KATNIP: variants seen among roughly 807,000 people sequenced by gnomAD.
The protein encoded by KATNIP is katanin-interacting protein.
In KATNIP, 126 loss-of-function variants were observed where a neutral mutation model predicts 174.0. The observed-to-expected ratio is 0.72, with a 90% confidence interval of 0.63 to 0.84. The LOEUF is 0.84. Ranked by LOEUF, KATNIP falls within the 40% of genes least tolerant of loss-of-function variation. The pLI is 0.00. For synonymous variants in KATNIP, 810 were observed against 835.7 expected (o/e 0.97, Z 0.53); for missense variants, 1,958 against 2,109.7 (o/e 0.93, Z 1.41).
At chr16:27,634,728 T>C (rs2076585307) in intron 5 of KATNIP, among the ~76,000 whole-genome samples, 1 of 152,228 alleles carries the variant, frequency 6.6e-6, no homozygotes, top group Non-Finnish European at 1.5e-5. Flanking sequence ...CTGCTTTCCC[T>C]GGCTCGTGTG....
chr16:27,708,614 C>G (rs1280351146), intron 12 of KATNIP, 91 bp from the exon 13 acceptor site: 5 of 965,662 alleles, frequency 5.2e-6, no homozygotes, highest in Non-Finnish European at 7.9e-6. Context: ...TGAAGGTTAA[C>G]TAACTTTTTG....
chr16:27,640,353 G>T (rs927258778), intron 5 of KATNIP, among the ~76,000 whole-genome samples: 8 of 152,220 alleles, frequency 5.3e-5, no homozygotes, highest in African/African-American at 1.7e-4. Context: ...CCCTTGCAAG[G>T]GCGTGGAGGT....
Position 27,776,567 on chromosome 16 carries a change from G to A in KATNIP, c.4450-361G>A, listed in dbSNP as rs1194280935. Among the ~76,000 whole-genome samples the A allele has an allele frequency of 1.3e-5, 2 of 152,168 alleles. No individual in the cohort carries two copies. Among genetic ancestry groups the A allele is most frequent in the African/African-American group, 4.8e-5 (2 of 41,446 alleles). On this transcript the variant is annotated intron_variant, in intron 24 of 27. Coordinates refer to ENST00000261588, the MANE Select transcript of KATNIP (RefSeq NM_015202.5). This position sits in a 1 kb window ranked among gnomAD's most constrained non-coding sequence, Gnocchi z 4.7. ...CCATGGCTGGTGCTCAACCCGAGTT[G>A]GGGACTGTCCCTTTAGCTCATGGGG...
chr16:27,731,526 G>A (rs1216616034), intron 14 of KATNIP, among the ~76,000 whole-genome samples: 2 of 152,334 alleles, frequency 1.3e-5, no homozygotes, highest in East Asian at 3.9e-4. Context: ...TACAGATGGG[G>A]AAACTGAGAT....
At chr16:27,583,159 T>C (rs919125142) in intron 2 of KATNIP, among the ~76,000 whole-genome samples, 1 of 152,184 alleles carries the variant, frequency 6.6e-6, no homozygotes, top group African/African-American at 2.4e-5. Flanking sequence ...GAGATTGACA[T>C]GTCTAAAACC....
intron 6 of KATNIP, among the ~76,000 whole-genome samples, chr16:27,673,089 C>G (rs961545815): frequency 3.3e-5 from 5 of 152,178 alleles, no homozygotes; most frequent in Admixed American, 3.3e-4. Context: ...TCCCCCACCC[C>G]AGCAGAACAG....
intron 3 of KATNIP, among the ~76,000 whole-genome samples, chr16:27,625,960 C>T (rs1199355542): frequency 6.6e-6 from 1 of 152,054 alleles, no homozygotes; most frequent in Admixed American, 6.6e-5. Context: ...AGCCATCCTC[C>T]TGCCCCAGCC....
intron 10 of KATNIP, among the ~76,000 whole-genome samples, chr16:27,701,214 G>A (rs1159317259): frequency 6.6e-6 from 1 of 152,046 alleles, no homozygotes; most frequent in Non-Finnish European, 1.5e-5. Flanking sequence ...CTGGAGTGCA[G>A]TGGCATGACC....
chr16:27,726,849 C>T (rs918578187), intron 14 of KATNIP, among the ~76,000 whole-genome samples: 9 of 152,260 alleles, frequency 5.9e-5, no homozygotes, highest in Non-Finnish European at 8.8e-5. Context: ...ACTGTGGTTT[C>T]GCCAAGTGGC....
intron 2 of KATNIP, among the ~76,000 whole-genome samples, chr16:27,575,400 T>G (rs2090461312): frequency 6.6e-6 from 1 of 152,166 alleles, no homozygotes; most frequent in South Asian, 2.1e-4. Context: ...CCCAGGCTTA[T>G]GAGAATATAA....
intron 2 of KATNIP, among the ~76,000 whole-genome samples, chr16:27,617,608 A>G (rs2076078678): frequency 6.6e-6 from 1 of 152,218 alleles, no homozygotes; most frequent in Admixed American, 6.5e-5. Context: ...CCCCTTTGGC[A>G]GAAGAGGAGA....
At chr16:27,598,402 T>C (rs767900481) in intron 2 of KATNIP, among the ~76,000 whole-genome samples, 29 of 152,162 alleles carry the variant, frequency 1.9e-4, no homozygotes, top group Non-Finnish European at 2.2e-4. Context: ...GGGCAGCTGG[T>C]TGCTATTCCT....
At chr16:27,683,830 T>A (rs1044409920) in intron 8 of KATNIP, among the ~76,000 whole-genome samples, 3 of 152,176 alleles carry the variant, frequency 2.0e-5, no homozygotes, top group Non-Finnish European at 2.9e-5. Context: ...CACCGACTGC[T>A]GTTCAGGTTG....
chr16:27,605,324 A>G (rs911813423), intron 2 of KATNIP, among the ~76,000 whole-genome samples: 1 of 152,246 alleles, frequency 6.6e-6, no homozygotes, highest in Non-Finnish European at 1.5e-5. Flanking sequence ...TTCTGAGAAT[A>G]AAAAGAAATG....
chr16:27,684,595 A>G (rs1054189083), intron 8 of KATNIP, among the ~76,000 whole-genome samples: 2 of 152,236 alleles, frequency 1.3e-5, no homozygotes, highest in African/African-American at 4.8e-5. Context: ...AAGTACCACA[A>G]TCAGAGTGGC....
In KATNIP at chr16:27,725,112, G is replaced by A. The variant is rs1246309453; in HGVS notation, c.1743+3417G>A. Among the ~76,000 whole-genome samples, 7 of 152,332 alleles carry A rather than the reference G, an allele frequency of 4.6e-5. No homozygotes were observed. In the South Asian group the frequency reaches 1.2e-3, roughly 27 times the overall value. ...AGTGCACAGAAGGCAGCACACAGATGCCTCTACTTGTGACAGCTGCCATTT... is the reference window on the plus strand; with the variant it reads ...AGTGCACAGAAGGCAGCACACAGATACCTCTACTTGTGACAGCTGCCATTT... On this transcript the variant is annotated intron_variant, in intron 14 of 27. Coordinates refer to ENST00000261588, the MANE Select transcript of KATNIP (RefSeq NM_015202.5).
At chr16:27,575,643 G>A (rs557450284) in intron 2 of KATNIP, among the ~76,000 whole-genome samples, 28 of 152,286 alleles carry the variant, frequency 1.8e-4, no homozygotes, top group South Asian at 1.0e-3. Context: ...GGGCTGTCCC[G>A]GCCAGCTCTG....
chr16:27,771,422 G>C (rs1389209408), intron 21 of KATNIP, among the ~76,000 whole-genome samples, 166 bp from the exon 22 acceptor site: 1 of 152,166 alleles, frequency 6.6e-6, no homozygotes, highest in Non-Finnish European at 1.5e-5. Flanking sequence ...CTGTCATCTA[G>C]AGCGGGAACT....
chr16:27,701,641 G>C lies in KATNIP; in HGVS notation c.1232G>C (p.Gly411Ala). 1 of 1,608,406 alleles carries C rather than the reference G, an allele frequency of 6.2e-7. No individual in the cohort carries two copies. Among genetic ancestry groups the C allele is most frequent in the South Asian group, 1.1e-5 (1 of 89,174 alleles). ...ACTCAGGAGCCGGCCGGGGCAGCAG[G>C]AGGAGCCAGGGCCATCAACCAGGCC... ...TTTQEPAGAAGGARAINQAMD... is the reference protein window; with the variant it reads ...TTTQEPAGAAAGARAINQAMD... The change falls in exon 11 of 28, where the codon GGA becomes GCA. Residue 411 changes from glycine to alanine, a missense_variant. Gly to Ala is a moderately conservative substitution (Grantham distance 60, BLOSUM62 0). This residue lies in a region of KATNIP where 1,557 missense variants were observed against 1,617.8 expected (regional missense o/e 0.96). Coordinates refer to ENST00000261588, the MANE Select transcript of KATNIP (RefSeq NM_015202.5).
Sources: gnomAD v4.1 joint callset for allele counts (sites outside exome capture counted in the v4.1 genomes callset) on GRCh38, gnomAD v4.1.1 for gene constraint, gnomAD v4.1.1 regional missense constraint, Gnocchi (gnomAD v3.1) non-coding constraint, MANE v1.5 for transcripts, NCBI Gene and HGNC (gene_info 2026-07-23, HGNC 2026-07-21) for gene names.